EYS: variants seen among roughly 807,000 people sequenced by gnomAD.
EYS encodes the protein protein eyes shut homolog.
In EYS, 250 loss-of-function variants were observed where a neutral mutation model predicts 282.1. That is an observed-to-expected ratio of 0.89 (90% CI 0.80 to 0.98). EYS has a LOEUF of 0.98. Among genes scored for constraint, EYS ranks in the 50% least tolerant of loss-of-function variants. The pLI, the probability that EYS is intolerant of heterozygous loss-of-function variation, is 0.00. For missense variants in EYS, 4,016 were observed against 3,709.0 expected (o/e 1.08, Z -2.15); for synonymous variants, 1,355 against 1,282.9 (o/e 1.06, Z -1.20).
intron 6 of EYS, 54 bp from the exon 7 acceptor site, chr6:65,402,659 A>G: frequency 8.0e-7 from 1 of 1,244,580 alleles, no homozygotes; most frequent in Non-Finnish European, 1.2e-6. Context: ...TTTCAAAGGT[A>G]ATGAATGGGT....
At chr6:65,694,737 A>G (rs1326095231) in intron 1 of EYS, among the ~76,000 whole-genome samples, 3 of 102,182 alleles carry the variant, frequency 2.9e-5, no homozygotes, top group African/African-American at 8.3e-5. Context: ...GGCTTGTTGT[A>G]GATTTAAAAA....
At chr6:65,421,325 C>A (rs1202959610) in intron 5 of EYS, among the ~76,000 whole-genome samples, 1 of 151,752 alleles carries the variant, frequency 6.6e-6, no homozygotes, top group Non-Finnish European at 1.5e-5. Context: ...ATGAGTCTAT[C>A]TCTGCTAGAT....
chr6:65,477,680 T>G (rs896541702), intron 5 of EYS, among the ~76,000 whole-genome samples: 1 of 152,190 alleles, frequency 6.6e-6, no homozygotes, highest in Non-Finnish European at 1.5e-5. Context: ...AGCAATCATG[T>G]AATTTTCAGT....
intron 26 of EYS, among the ~76,000 whole-genome samples, chr6:64,516,323 G>T (rs901224648): frequency 6.6e-6 from 1 of 151,264 alleles, no homozygotes; most frequent in Non-Finnish European, 1.5e-5. Flanking sequence ...GGAGGGAGAG[G>T]ACCAGGAAAA....
At chr6:65,610,287 T>C (rs354390) in intron 2 of EYS, among the ~76,000 whole-genome samples, 1 of 151,944 alleles carries the variant, frequency 6.6e-6, no homozygotes, top group Non-Finnish European at 1.5e-5. Flanking sequence ...CCCCCTTTTT[T>C]AACTATTCTT....
chr6:65,320,871 G>C (rs887128274), intron 11 of EYS, among the ~76,000 whole-genome samples: 1 of 152,122 alleles, frequency 6.6e-6, no homozygotes, highest in Non-Finnish European at 1.5e-5. Context: ...ACTGATGGAG[G>C]GCCATGTTCA....
At chr6:65,581,225 T>A (rs187663285) in intron 2 of EYS, among the ~76,000 whole-genome samples, 1 of 151,970 alleles carries the variant, frequency 6.6e-6, no homozygotes, top group African/African-American at 2.4e-5. Context: ...TTATTAAATA[T>A]AGAGGGGAAA....
chr6:63,849,978 A>G (rs1356276792), intron 36 of EYS, among the ~76,000 whole-genome samples: 1 of 152,218 alleles, frequency 6.6e-6, no homozygotes, highest in Non-Finnish European at 1.5e-5. Flanking sequence ...AGAGAAGAAC[A>G]TAAATGATCT....
At chr6:64,389,612 T>C (rs1185513245) in intron 28 of EYS, among the ~76,000 whole-genome samples, 1 of 152,182 alleles carries the variant, frequency 6.6e-6, no homozygotes, top group Non-Finnish European at 1.5e-5. Flanking sequence ...AATTGAATAA[T>C]TGAAACAAGA....
At chr6:65,488,149 A>G (rs1765882841) in intron 5 of EYS, among the ~76,000 whole-genome samples, 3 of 151,936 alleles carry the variant, frequency 2.0e-5, no homozygotes. Flanking sequence ...TGATTTTTTC[A>G]AAGTTTTTTA....
chr6:65,542,786 T>A (rs1012068490), intron 2 of EYS, among the ~76,000 whole-genome samples: 1 of 152,110 alleles, frequency 6.6e-6, no homozygotes, highest in Non-Finnish European at 1.5e-5. Flanking sequence ...GTAAATACTA[T>A]TATGAGCAAA....
At chr6:64,564,637 A>G (rs1162613816) in intron 26 of EYS, among the ~76,000 whole-genome samples, 2 of 152,046 alleles carry the variant, frequency 1.3e-5, no homozygotes, top group African/African-American at 2.4e-5. Context: ...GGTTTGTTAC[A>G]TAGGTATACA....
chr6:64,337,779 C>T (rs1425974356), intron 29 of EYS, among the ~76,000 whole-genome samples: 1 of 152,032 alleles, frequency 6.6e-6, no homozygotes, highest in African/African-American at 2.4e-5. Flanking sequence ...AGATAATCCA[C>T]CATGATCAAG....
chr6:64,958,729 C>T (rs565215003), intron 14 of EYS, among the ~76,000 whole-genome samples: 137 of 75,936 alleles, frequency 1.8e-3, no homozygotes, highest in African/African-American at 5.2e-3. Flanking sequence ...AACGAGACTC[C>T]GTCTCAAAAA....
In EYS at chr6:64,574,541, T is replaced by A. The variant is rs991154259; in HGVS notation, c.5644+15682A>T. Among the ~76,000 whole-genome samples, 2 of 152,170 alleles carry A rather than the reference T, an allele frequency of 1.3e-5. 1 individual carries two copies. Among genetic ancestry groups the A allele is most frequent in the South Asian group, 4.1e-4 (2 of 4,830 alleles). On this transcript the variant is annotated intron_variant, in intron 26 of 42. Coordinates refer to ENST00000503581, the MANE Select transcript of EYS (RefSeq NM_001142800.2). Reference sequence around the variant, plus strand: ...ATGCATGAATCATAGAGTCTCAGGGTAAGAAGATTTGCTCCAAAGCTACCT... The same window carrying A: ...ATGCATGAATCATAGAGTCTCAGGGAAAGAAGATTTGCTCCAAAGCTACCT...
intron 2 of EYS, among the ~76,000 whole-genome samples, chr6:65,626,157 G>T (rs1417590838): frequency 2.0e-5 from 3 of 152,104 alleles, no homozygotes; most frequent in Admixed American, 2.0e-4. Flanking sequence ...CCTAGACGAT[G>T]ATACAAAGCA....
At chr6:65,172,534 T>C (rs1347700998) in intron 12 of EYS, among the ~76,000 whole-genome samples, 1 of 151,414 alleles carries the variant, frequency 6.6e-6, no homozygotes, top group African/African-American at 2.4e-5. Flanking sequence ...ATAGATGCTG[T>C]TACTGTTTTT....
chr6:63,756,763 A>T (rs1769495674), intron 41 of EYS, among the ~76,000 whole-genome samples: 1 of 152,252 alleles, frequency 6.6e-6, no homozygotes, highest in South Asian at 2.1e-4. Context: ...AGTTCCCCAA[A>T]TTAATATTTT....
chr6:64,426,930 C>A (rs923443719), intron 28 of EYS, among the ~76,000 whole-genome samples: 18 of 151,930 alleles, frequency 1.2e-4, no homozygotes, highest in Admixed American at 1.1e-3. Context: ...ATATGAGAAC[C>A]ATTTTGCATA....
Sources: allele counts gnomAD v4.1 joint callset (sites outside exome capture counted in the v4.1 genomes callset), GRCh38; gene constraint gnomAD v4.1.1; transcripts MANE v1.5; gene names NCBI Gene and HGNC (gene_info 2026-07-23, HGNC 2026-07-21).